The following FOXP1 variants were observed in gnomAD, a reference collection of about 807,000 sequenced individuals.
FOXP1 encodes the protein forkhead box protein P1.
FOXP1 carries 15 observed loss-of-function variants against 98.2 expected under a neutral mutation model. That is an observed-to-expected ratio of 0.15 (90% CI 0.10 to 0.24). The LOEUF (loss-of-function observed/expected upper bound fraction) is 0.24. Among genes scored for constraint, FOXP1 ranks in the 10% least tolerant of loss-of-function variants. FOXP1 has a pLI of 1.00. For synonymous variants in FOXP1, 371 were observed against 314.5 expected, an observed-to-expected ratio of 1.18 and a Z score of -1.90; for missense variants, 633 against 848.5, an observed-to-expected ratio of 0.75 and a Z score of 3.15.
At chr3:71,124,663 A>G (rs1168686311) in intron 6 of FOXP1, among the ~76,000 whole-genome samples, 1 of 151,838 alleles carries the variant, frequency 6.6e-6, no homozygotes, top group Admixed American at 6.6e-5. Context: ...AAGAAAAAAA[A>G]AAGAGAAACA....
At chr3:71,199,372 T>C (rs1308729809) in intron 5 of FOXP1, among the ~76,000 whole-genome samples, 2 of 150,956 alleles carry the variant, frequency 1.3e-5, no homozygotes, top group Admixed American at 6.6e-5. Context: ...CCCGAAGTGC[T>C]GGGATTACAG....
chr3:71,432,965 G>C (rs1025107464), intron 3 of FOXP1, among the ~76,000 whole-genome samples: 1 of 149,954 alleles, frequency 6.7e-6, no homozygotes, highest in African/African-American at 2.5e-5. Flanking sequence ...AAAATAATTT[G>C]AATGATTCTA....
chr3:71,245,800 AC>A (rs529741747), intron 5 of FOXP1, among the ~76,000 whole-genome samples: 63 of 140,660 alleles, frequency 4.5e-4, no homozygotes, highest in East Asian at 1.9e-3. Flanking sequence ...TCCAATCACC[AC>A]CCCCCCCACC....
In FOXP1 at chr3:71,158,933, C is replaced by T. The variant is rs1475200334; in HGVS notation, c.180+39269G>A. Among the ~76,000 whole-genome samples, 4 of 151,808 alleles carry T rather than the reference C, an allele frequency of 2.6e-5. No individual in the cohort carries two copies. In the East Asian group the frequency reaches 5.8e-4, roughly 22 times the overall value. On this transcript the variant is annotated intron_variant, in intron 6 of 20. Transcript: ENST00000649528. The stretch of plus-strand genomic sequence containing the variant: ...CAGCCTGGACAACATAGGGAGACCC[C>T]TACCTCTACAAACAATACAAAAATG...
At chr3:71,424,666 A>G (rs1243491000) in intron 3 of FOXP1, among the ~76,000 whole-genome samples, 2 of 152,218 alleles carry the variant, frequency 1.3e-5, no homozygotes, top group Non-Finnish European at 2.9e-5. Flanking sequence ...CAATTTTGCC[A>G]CTAATTTCCA....
intron 13 of FOXP1, among the ~76,000 whole-genome samples, chr3:70,995,781 G>C (rs2041271079): frequency 6.6e-6 from 1 of 152,180 alleles, no homozygotes; most frequent in South Asian, 2.1e-4. Context: ...AAGACCAGTA[G>C]AAGGTTGCAA....
chr3:71,057,993 C>G (rs73119661), intron 7 of FOXP1, among the ~76,000 whole-genome samples: 74 of 152,304 alleles, frequency 4.9e-4, no homozygotes, highest in South Asian at 8.3e-4. Context: ...TCTCTATCAT[C>G]TGAATGCTGA....
At chr3:71,311,029 T>A (rs1278774141) in intron 4 of FOXP1, among the ~76,000 whole-genome samples, 1 of 152,218 alleles carries the variant, frequency 6.6e-6, no homozygotes, top group African/African-American at 2.4e-5. Context: ...ATATACTCCA[T>A]GAAGGCAGGG....
chr3:71,082,167 T>C (rs1170058313), intron 7 of FOXP1, among the ~76,000 whole-genome samples: 3 of 151,378 alleles, frequency 2.0e-5, no homozygotes, highest in Non-Finnish European at 4.4e-5. Context: ...TAATCCCAGC[T>C]ACTCAGGAGG....
chr3:71,011,403 G>A (rs2043606234), intron 12 of FOXP1, among the ~76,000 whole-genome samples: 1 of 152,040 alleles, frequency 6.6e-6, no homozygotes, highest in African/African-American at 2.4e-5. Flanking sequence ...GGGGCTACAT[G>A]GAAAGAGATA....
chr3:71,262,076 G>A (rs1490110916), intron 5 of FOXP1, among the ~76,000 whole-genome samples: 3 of 151,604 alleles, frequency 2.0e-5, no homozygotes, highest in African/African-American at 7.3e-5. Flanking sequence ...GACCAGCCTG[G>A]CCAACATGGT....
At chr3:71,405,654 T>C (rs1192780845) in intron 3 of FOXP1, among the ~76,000 whole-genome samples, 1 of 152,190 alleles carries the variant, frequency 6.6e-6, no homozygotes, top group Non-Finnish European at 1.5e-5. Flanking sequence ...AAAAGGCCAA[T>C]GTCCAGGTCA....
intron 5 of FOXP1, among the ~76,000 whole-genome samples, chr3:71,258,047 C>A (rs1014361181): frequency 6.6e-6 from 1 of 152,126 alleles, no homozygotes; most frequent in Admixed American, 6.5e-5. Context: ...ATCCACGGAG[C>A]GCCTACGAAT....
At chr3:71,582,394 T>A (rs966513655) in intron 1 of FOXP1, 1 of 981,626 alleles carries the variant, frequency 1.0e-6, no homozygotes, top group African/African-American at 1.8e-5. Context: ...ACCGCCGTGG[T>A]CCCCACTCGA....
chr3:71,308,806 T>G (rs1170813987), intron 4 of FOXP1, among the ~76,000 whole-genome samples: 3 of 122,602 alleles, frequency 2.4e-5, no homozygotes, highest in African/African-American at 8.6e-5. Flanking sequence ...TGTGTGTGTG[T>G]GGGTGAGGGG....
intron 18 of FOXP1, chr3:70,971,210 C>T (rs1165092481): frequency 7.1e-6 from 2 of 282,262 alleles, no homozygotes; most frequent in East Asian, 1.8e-4. Context: ...ATCTTGGCTC[C>T]TAAGCATCTT....
intron 6 of FOXP1, among the ~76,000 whole-genome samples, chr3:71,163,466 T>A (rs889852000): frequency 1.3e-5 from 2 of 152,174 alleles, no homozygotes; most frequent in Non-Finnish European, 2.9e-5. Context: ...ACAAACAGAC[T>A]ACTGTATATA....
At chr3:71,106,074 AC>A (rs2057397919) in intron 7 of FOXP1, among the ~76,000 whole-genome samples, 1 of 152,026 alleles carries the variant, frequency 6.6e-6, no homozygotes, top group African/African-American at 2.4e-5. Flanking sequence ...TGCTGTTACT[AC>A]CTTTGTGCTG....
At position 71,555,512 on chromosome 3, in the gene FOXP1, G is replaced by C. The variant is rs367707711; in HGVS notation, c.-298+26037C>G. ...AAAATCTGAGACAATGCTAACCCAG[G>C]AGTCACTGTCCCAGATAAACTGACA... On this transcript the variant is annotated intron_variant, in intron 2 of 20. Coordinates refer to ENST00000649528, the MANE Select transcript of FOXP1 (RefSeq NM_001349338.3). Among the ~76,000 whole-genome samples, 8 of 152,140 alleles carry C rather than the reference G, an allele frequency of 5.3e-5. No individual in the cohort carries two copies. The East Asian group carries it at 1.5e-3, about 29-fold the overall frequency.
Sources: gnomAD v4.1 joint callset for allele counts (sites outside exome capture counted in the v4.1 genomes callset) on GRCh38, gnomAD v4.1.1 for gene constraint, MANE v1.5 for transcripts, NCBI Gene and HGNC (gene_info 2026-07-23, HGNC 2026-07-21) for gene names.